GOLGA7: variants seen among roughly 807,000 people sequenced by gnomAD.
GOLGA7 encodes the protein golgin A7.
Under a neutral mutation model 21.1 loss-of-function variants are expected in GOLGA7, and 10 were observed. The ratio of observed to expected loss-of-function variants is 0.47; its 90% CI spans 0.29 to 0.80. The LOEUF (loss-of-function observed/expected upper bound fraction) is 0.80, where lower values mean the gene tolerates loss of function less well. Among genes scored for constraint, GOLGA7 ranks in the 30% least tolerant of loss-of-function variants. GOLGA7 has a pLI of 0.08. For synonymous variants in GOLGA7, 64 were observed against 62.6 expected, an observed-to-expected ratio of 1.02 and a Z score of -0.10; for missense variants, 114 against 166.8, an observed-to-expected ratio of 0.68 and a Z score of 1.74.
At chr8:41,503,214 A>C (rs2150444722) in intron 2 of GOLGA7, among the ~76,000 whole-genome samples, 2 of 152,074 alleles carry the variant, frequency 1.3e-5, no homozygotes, top group Middle Eastern at 3.4e-3. Context: ...TATAAAAAAA[A>C]AAAAAGTGTC....
chr8:41,505,163 A>ATTTC (rs1362279462), intron 2 of GOLGA7, among the ~76,000 whole-genome samples: 1 of 152,208 alleles, frequency 6.6e-6, no homozygotes, highest in Non-Finnish European at 1.5e-5. Context: ...AGATTTGGCA[A>ATTTC]TTTCCAGAAG....
chr8:41,493,436 A>G (rs536118470), intron 1 of GOLGA7, among the ~76,000 whole-genome samples: 8 of 152,198 alleles, frequency 5.3e-5, no homozygotes, highest in Non-Finnish European at 8.8e-5. Context: ...TTAATTTGGG[A>G]GTAGGATAGG....
At chr8:41,492,752 G>C (rs1354091977) in intron 1 of GOLGA7, among the ~76,000 whole-genome samples, 1 of 152,200 alleles carries the variant, frequency 6.6e-6, no homozygotes, top group East Asian at 1.9e-4. Context: ...TACAATTTAT[G>C]TACTTCAAAA....
At chr8:41,506,957 CA>C in intron 3 of GOLGA7, 101 bp from the exon 4 acceptor site, 2 of 726,734 alleles carry the variant, frequency 2.8e-6, no homozygotes, top group Non-Finnish European at 5.0e-6. Context: ...AAAAATAAAG[CA>C]AACTGAAAGC....
At position 41,497,676 on chromosome 8, in the gene GOLGA7, G is replaced by C. The variant is rs545979226; in HGVS notation, c.264+15G>C. The stretch of plus-strand genomic sequence containing the variant: ...ATTATGAGAAGGTAATGCTACATTT[G>C]TTTTCACAAAAATCTCTTAAAATCA... On this transcript the variant is annotated intron_variant, in intron 2 of 4. Coordinates refer to ENST00000357743, the MANE Select transcript of GOLGA7 (RefSeq NM_001002296.2). 7.1e-7 allele frequency: 1 copy of C among 1,418,254 alleles called. No homozygotes were observed. The highest frequency in any genetic ancestry group is 1.2e-5 in the South Asian group (1 of 82,522). The allele number at this position is 1,418,254 out of a possible 1,614,324, so 87.9% of individuals were successfully genotyped here.
At chr8:41,492,234 C>G (rs1563413692) in intron 1 of GOLGA7, among the ~76,000 whole-genome samples, 1 of 152,152 alleles carries the variant, frequency 6.6e-6, no homozygotes, top group Non-Finnish European at 1.5e-5. Flanking sequence ...GTTAACTGAG[C>G]GTGACAATAG....
At chr8:41,504,951 A>G (rs1806248980) in intron 2 of GOLGA7, among the ~76,000 whole-genome samples, 1 of 152,094 alleles carries the variant, frequency 6.6e-6, no homozygotes, top group African/African-American at 2.4e-5. Context: ...TGACTTTATC[A>G]TTTGCTAATA....
At position 41,509,965 on chromosome 8, in the gene GOLGA7, A is replaced by G. The variant is rs1278676819; in HGVS notation, c.*397A>G. 3 of 152,520 alleles carry G rather than the reference A, an allele frequency of 2.0e-5. No homozygotes were observed. Among genetic ancestry groups the G allele is most frequent in the Non-Finnish European group, 2.9e-5 (2 of 68,028 alleles). 9.4% of individuals were successfully genotyped at this position (152,520 alleles called of 1,614,324 possible). A position where few individuals can be genotyped will look rare whatever the true frequency, so the allele number is the denominator to read the frequency against. On this transcript the variant is annotated 3_prime_UTR_variant, in exon 5 of 5. Transcript: ENST00000357743. The stretch of plus-strand genomic sequence containing the variant: ...GCTTCTCAGGTGGCTTTAGACCTCA[A>G]CAAGCCGTATCTTCACCAGTGTTCT...
chr8:41,504,217 C>G lies in GOLGA7; in HGVS notation c.265-1694C>G, dbSNP rs1480152682. Among the ~76,000 whole-genome samples the G allele has an allele frequency of 2.0e-5, 3 of 151,660 alleles. 1 individual carries two copies. In the South Asian group the frequency reaches 6.3e-4, roughly 32 times the overall value. ...AGAATGATGTTGCCGTTTCTTTGCT[C>G]GTAACCTGTACTCGGAGAAAGGAGA... On this transcript the variant is annotated intron_variant, in intron 2 of 4. Transcript: ENST00000357743.
At chr8:41,494,592 G>T (rs541679819) in intron 1 of GOLGA7, among the ~76,000 whole-genome samples, 3 of 152,126 alleles carry the variant, frequency 2.0e-5, no homozygotes, top group Non-Finnish European at 2.9e-5. Context: ...GTCTGTTTTC[G>T]TGAATGAGAA....
At chr8:41,491,691 A>G (rs998982082) in intron 1 of GOLGA7, among the ~76,000 whole-genome samples, 4 of 142,816 alleles carry the variant, frequency 2.8e-5, no homozygotes, top group African/African-American at 7.7e-5. Flanking sequence ...AAAAAAAAAA[A>G]TCATTGTATC....
At chr8:41,501,383 A>C (rs1197583255) in intron 2 of GOLGA7, among the ~76,000 whole-genome samples, 1 of 151,116 alleles carries the variant, frequency 6.6e-6, no homozygotes, top group African/African-American at 2.4e-5. Flanking sequence ...ATCCCGGCTC[A>C]CTGCAACCTC....
At position 41,507,059 on chromosome 8, in the gene GOLGA7, A is replaced by G; in HGVS notation, c.367A>G (p.Ile123Val). The G allele has an allele frequency of 7.5e-7, 1 of 1,337,854 alleles. No homozygotes were observed. The highest frequency in any genetic ancestry group is 1.1e-6 in the Non-Finnish European group (1 of 927,804). The allele number at this position is 1,337,854 out of a possible 1,614,324, so 82.9% of individuals were successfully genotyped here. The change falls in exon 4 of 5, where the codon ATT becomes GTT. Residue 123 changes from isoleucine (I) to valine (V), a missense_variant and splice_region_variant. Transcript: ENST00000357743. Reference sequence around the variant, plus strand: ...TTTTCTTAACAGCCATGCTGTTTAGATTGAAATTACCATTTATGAAGACAG... The same window carrying G: ...TTTTCTTAACAGCCATGCTGTTTAGGTTGAAATTACCATTTATGAAGACAG... The part of the protein sequence containing the change: ...TDPIERGLRV[I>V]EITIYEDRGM...
Position 41,490,752 on chromosome 8 carries a change from G to A in GOLGA7, c.-103G>A. 1.5e-6 allele frequency: 1 copy of A among 667,750 alleles called. No individual in the cohort carries two copies. Among genetic ancestry groups the A allele is most frequent in the Admixed American group, 2.4e-5 (1 of 41,066 alleles). 41.4% of individuals were successfully genotyped at this position (667,750 alleles called of 1,614,324 possible). On this transcript the variant is annotated 5_prime_UTR_variant, in exon 1 of 5. Coordinates refer to ENST00000357743, the MANE Select transcript of GOLGA7 (RefSeq NM_001002296.2). ...CCTTGGGCTGTTTTCGGCGGCGGGTGGGGGCGAGGGGCTGGCGGGTCAGAG... is the reference window on the plus strand; with the variant it reads ...CCTTGGGCTGTTTTCGGCGGCGGGTAGGGGCGAGGGGCTGGCGGGTCAGAG...
At chr8:41,505,657 C>T (rs1254921726) in intron 2 of GOLGA7, among the ~76,000 whole-genome samples, 2 of 152,174 alleles carry the variant, frequency 1.3e-5, no homozygotes, top group Non-Finnish European at 2.9e-5. Context: ...GGTTGGTTCT[C>T]ATCGTGCCAT....
chr8:41,506,948 AAAAT>A (rs1270164815), intron 3 of GOLGA7, 107 bp from the exon 4 acceptor site: 12 of 716,934 alleles, frequency 1.7e-5, no homozygotes, highest in African/African-American at 3.6e-5. Context: ...TAATAATTGA[AAAAT>A]AAAGCAAACT....
chr8:41,491,003 G>A (rs368092240), intron 1 of GOLGA7, 38 bp downstream of exon 1: 1 of 1,175,828 alleles, frequency 8.5e-7, no homozygotes. Flanking sequence ...TCTGGCGAGG[G>A]AGAGAGACTC....
chr8:41,497,469 T>G (rs1425074180), intron 1 of GOLGA7, 40 bp from the exon 2 acceptor site: 2 of 1,169,732 alleles, frequency 1.7e-6, no homozygotes, highest in African/African-American at 1.5e-5. Flanking sequence ...TTGATTTTTT[T>G]TTTCCAAAAC....
intron 2 of GOLGA7, among the ~76,000 whole-genome samples, chr8:41,503,889 A>G (rs1379394108): frequency 4.0e-5 from 6 of 151,380 alleles, no homozygotes; most frequent in African/African-American, 1.5e-4. Flanking sequence ...TTGACTTGGC[A>G]TATTCTCACT....
Sources: gnomAD v4.1 joint callset for allele counts (sites outside exome capture counted in the v4.1 genomes callset) on GRCh38, gnomAD v4.1.1 for gene constraint, MANE v1.5 for transcripts, NCBI Gene and HGNC (gene_info 2026-07-23, HGNC 2026-07-21) for gene names.